The following MYO9A variants were observed in gnomAD, a reference collection of about 807,000 sequenced individuals.
The protein encoded by MYO9A is myosin IXA, also known as unconventional myosin-IXa.
In MYO9A, 103 loss-of-function variants were observed where a neutral mutation model predicts 293.3. The observed-to-expected ratio is 0.35, with a 90% CI of 0.30 to 0.41. The LOEUF is 0.41. Ranked by LOEUF, MYO9A falls within the 10% of genes least tolerant of loss-of-function variation. The pLI is 1.00. For synonymous variants in MYO9A, 1,001 were observed against 1,035.7 expected, an observed-to-expected ratio of 0.97 and a Z score of 0.64; for missense variants, 2,685 against 3,033.0, an observed-to-expected ratio of 0.89 and a Z score of 2.69.
In MYO9A at chr15:71,905,010, C is replaced by A; in HGVS notation, c.2686-4G>T. On this transcript the variant is annotated splice_polypyrimidine_tract_variant and splice_region_variant and intron_variant, in intron 19 of 41. Transcript: ENST00000356056. Reference sequence around the variant, plus strand: ...CCATTAGCTTGCTTAATGATGCCTGCAACAGAAAGCAATATAATTATCATA... The same window carrying A: ...CCATTAGCTTGCTTAATGATGCCTGAAACAGAAAGCAATATAATTATCATA... The A allele has an allele frequency of 1.3e-6, 2 of 1,595,832 alleles. No homozygotes were observed. The highest frequency in any genetic ancestry group is 1.7e-6 in the Non-Finnish European group (2 of 1,167,812).
At chr15:72,097,790 G>A (rs2080112943) in intron 1 of MYO9A, among the ~76,000 whole-genome samples, 1 of 152,104 alleles carries the variant, frequency 6.6e-6, no homozygotes, top group Non-Finnish European at 1.5e-5. Context: ...TGCGCCTGTA[G>A]TCTCAGCTAC....
At position 72,046,604 on chromosome 15, in the gene MYO9A, A is replaced by C. The variant is rs769256927; in HGVS notation, c.-41T>G. 1.4e-6 allele frequency: 2 copies of C among 1,481,328 alleles called. No homozygotes were observed. Among genetic ancestry groups the C allele is most frequent in the Non-Finnish European group, 1.8e-6 (2 of 1,115,462 alleles). The allele number at this position is 1,481,328 out of a possible 1,614,324, so 91.8% of individuals were successfully genotyped here. ...ATCAGCATGGATAGTATATGTTCAA[A>C]GTCGTGCAAACCATTTTCTTGGTAA... is the stretch of plus-strand genomic sequence containing the variant. On this transcript the variant is annotated 5_prime_UTR_variant, in exon 2 of 42. Coordinates refer to ENST00000356056, the MANE Select transcript of MYO9A (RefSeq NM_006901.4).
intron 16 of MYO9A, among the ~76,000 whole-genome samples, chr15:71,936,506 AT>A (rs1421737190): frequency 8.5e-5 from 13 of 152,308 alleles, no homozygotes; most frequent in African/African-American, 1.9e-4. Context: ...CCACAAAAAA[AT>A]GACACATATT....
chr15:71,961,532 T>A (rs772680435), intron 13 of MYO9A, among the ~76,000 whole-genome samples: 1 of 152,204 alleles, frequency 6.6e-6, no homozygotes, highest in Non-Finnish European at 1.5e-5. Context: ...ATACTCCTAA[T>A]AATCCTTTCA....
Position 72,118,062 on chromosome 15 carries a change from C to T in MYO9A, c.-454G>A, listed in dbSNP as rs921145558. On this transcript the variant is annotated 5_prime_UTR_variant, in exon 1 of 42. Coordinates refer to ENST00000356056, the MANE Select transcript of MYO9A (RefSeq NM_006901.4). Reference sequence around the variant, plus strand: ...GACACAGCCAACCGCCGCCGCGTCCCTTATCCGCTTCGGTCGCGCGCCCCC... The same window carrying T: ...GACACAGCCAACCGCCGCCGCGTCCTTTATCCGCTTCGGTCGCGCGCCCCC... 1.0e-5 allele frequency: 4 copies of T among 395,604 alleles called. No individual in the cohort carries two copies. Among genetic ancestry groups the T allele is most frequent in the Non-Finnish European group, 1.8e-5 (4 of 224,146 alleles). 24.5% of individuals were successfully genotyped at this position (395,604 alleles called of 1,614,324 possible).
intron 13 of MYO9A, among the ~76,000 whole-genome samples, chr15:71,962,763 C>T (rs954589612): frequency 3.3e-5 from 5 of 152,198 alleles, no homozygotes; most frequent in African/African-American, 9.7e-5. Flanking sequence ...GAAACTGAAA[C>T]ACCAGTCTGC....
At chr15:72,005,393 A>G (rs2076987009) in intron 8 of MYO9A, among the ~76,000 whole-genome samples, 1 of 152,174 alleles carries the variant, frequency 6.6e-6, no homozygotes, top group Non-Finnish European at 1.5e-5. Flanking sequence ...ATGCACTAGA[A>G]ACAGAAGCCC....
intron 9 of MYO9A, among the ~76,000 whole-genome samples, chr15:71,997,761 C>G (rs1172772606): frequency 1.3e-5 from 2 of 151,790 alleles, no homozygotes; most frequent in Non-Finnish European, 2.9e-5. Flanking sequence ...AAATCAAAAC[C>G]ACAATGAGAT....
chr15:71,922,451 C>A lies in MYO9A; in HGVS notation c.2563-5959G>T, dbSNP rs569739036. On this transcript the variant is annotated intron_variant, in intron 18 of 41. Coordinates refer to ENST00000356056, the MANE Select transcript of MYO9A (RefSeq NM_006901.4). The stretch of plus-strand genomic sequence containing the variant: ...AATAAAATATCTCACATACTTATTT[C>A]TTTGCGGTGAGATCACTTGAAATTT... 2.0e-5 allele frequency among the ~76,000 whole-genome samples: 3 copies of A among 152,232 alleles called. No homozygotes were observed. The South Asian group carries it at 6.2e-4, about 32-fold the overall frequency.
chr15:72,009,669 G>A (rs2077117087), intron 7 of MYO9A, among the ~76,000 whole-genome samples: 1 of 151,956 alleles, frequency 6.6e-6, no homozygotes. Flanking sequence ...GAGCACTCCA[G>A]TCTGGGTGAC....
At chr15:72,098,693 T>C (rs2080147633) in intron 1 of MYO9A, among the ~76,000 whole-genome samples, 1 of 151,950 alleles carries the variant, frequency 6.6e-6, no homozygotes, top group Non-Finnish European at 1.5e-5. Flanking sequence ...AGTGATCAGG[T>C]GTGTGTGGTG....
At chr15:71,886,002 C>CT in intron 27 of MYO9A, among the ~76,000 whole-genome samples, 1 of 152,030 alleles carries the variant, frequency 6.6e-6, no homozygotes, top group Non-Finnish European at 1.5e-5. Flanking sequence ...CATTTGGTTT[C>CT]ATGAATACAA....
chr15:72,097,052 T>A (rs150993708), intron 1 of MYO9A, among the ~76,000 whole-genome samples: 1 of 152,342 alleles, frequency 6.6e-6, no homozygotes, highest in Non-Finnish European at 1.5e-5. Flanking sequence ...AGAACACTGT[T>A]GAAATGACAA....
intron 2 of MYO9A, among the ~76,000 whole-genome samples, chr15:72,036,051 T>C (rs1242034739): frequency 1.3e-5 from 2 of 152,090 alleles, no homozygotes; most frequent in Non-Finnish European, 2.9e-5. Flanking sequence ...AAAATATTTA[T>C]TCAAAATATA....
intron 40 of MYO9A, 24 bp from the exon 41 acceptor site, chr15:71,828,050 A>T: frequency 6.2e-7 from 1 of 1,602,074 alleles, no homozygotes; most frequent in Non-Finnish European, 8.5e-7. Flanking sequence ...TCAAGAAACC[A>T]TTAGCATTTG....
At chr15:72,099,909 C>CAA (rs34892673) in intron 1 of MYO9A, among the ~76,000 whole-genome samples, 836 of 39,184 alleles carry the variant, frequency 0.021, 66 homozygotes, top group Middle Eastern at 0.068. Context: ...GACTTGGTCT[C>CAA]AAAAAAAAAA....
intron 16 of MYO9A, among the ~76,000 whole-genome samples, chr15:71,936,590 G>T (rs2058649840): frequency 6.6e-6 from 1 of 151,908 alleles, no homozygotes; most frequent in Non-Finnish European, 1.5e-5. Context: ...ACATCACACT[G>T]TACCTGATAA....
At chr15:71,942,419 C>T (rs1251404291) in intron 15 of MYO9A, among the ~76,000 whole-genome samples, 1 of 151,954 alleles carries the variant, frequency 6.6e-6, no homozygotes, top group Non-Finnish European at 1.5e-5. Context: ...AAATTTTGCT[C>T]ATCTTCCTTA....
At position 71,826,441 on chromosome 15, in the gene MYO9A, TAC is replaced by T; in HGVS notation, c.*137_*138del. The T allele has an allele frequency of 1.2e-6, 1 of 815,166 alleles. No homozygotes were observed. The highest frequency in any genetic ancestry group is 1.9e-6 in the Non-Finnish European group (1 of 540,004). The allele number at this position is 815,166 out of a possible 1,614,324, so 50.5% of individuals were successfully genotyped here. A position where few individuals can be genotyped will look rare whatever the true frequency, so the allele number is the denominator to read the frequency against. On this transcript the variant is annotated 3_prime_UTR_variant, in exon 42 of 42. Coordinates refer to ENST00000356056, the MANE Select transcript of MYO9A (RefSeq NM_006901.4). ...GCAGGAGGCCCAGGAATTCAGCACA[TAC>T]AGTCTTAGCCATATGCTTAGAAAAG...
Sources: allele counts gnomAD v4.1 joint callset (sites outside exome capture counted in the v4.1 genomes callset), GRCh38; gene constraint gnomAD v4.1.1; transcripts MANE v1.5; gene names NCBI Gene and HGNC (gene_info 2026-07-23, HGNC 2026-07-21).